TRAK2: variants seen among roughly 807,000 people sequenced by gnomAD.
The protein encoded by TRAK2 is trafficking kinesin-binding protein 2.
In TRAK2, 81 loss-of-function variants were observed where a neutral mutation model predicts 104.6. The ratio of observed to expected loss-of-function variants is 0.77; its 90% CI spans 0.65 to 0.93. The LOEUF (loss-of-function observed/expected upper bound fraction) is 0.93. Ranked by LOEUF, TRAK2 falls within the 40% of genes least tolerant of loss-of-function variation. The pLI is 0.00. For missense variants in TRAK2, 1,002 were observed against 1,089.0 expected (o/e 0.92, Z 1.12); for synonymous variants, 406 against 394.4 (o/e 1.03, Z -0.35).
In TRAK2 at chr2:201,431,506, T is replaced by C. The variant is rs145101826; in HGVS notation, c.-199-10800A>G. ...TCCACCATCTTCTATGCCAGCTGCG[T>C]AGCATCTTCAAGTTTCTCTCTGCTT... On this transcript the variant is annotated intron_variant, in intron 1 of 15. Coordinates refer to ENST00000332624, the MANE Select transcript of TRAK2 (RefSeq NM_015049.3). 4.6e-5 allele frequency among the ~76,000 whole-genome samples: 7 copies of C among 152,342 alleles called. No individual in the cohort carries two copies. In the East Asian group the frequency reaches 1.4e-3, roughly 29 times the overall value.
chr2:201,426,175 G>A (rs1047634771), intron 1 of TRAK2, among the ~76,000 whole-genome samples: 3 of 152,134 alleles, frequency 2.0e-5, no homozygotes, highest in Admixed American at 6.5e-5. Context: ...ATTTACAGCC[G>A]CTCCCCATCA....
Position 201,410,558 on chromosome 2 carries a change from C to A in TRAK2, c.92-2961G>T, listed in dbSNP as rs1951636626. 6.7e-6 allele frequency: 8 copies of A among 1,189,920 alleles called. No individual in the cohort carries two copies. In the East Asian group the frequency reaches 1.9e-4, roughly 28 times the overall value. The allele number at this position is 1,189,920 out of a possible 1,614,324, so 73.7% of individuals were successfully genotyped here. A position where few individuals can be genotyped will look rare whatever the true frequency, so the allele number is the denominator to read the frequency against. On this transcript the variant is annotated intron_variant, in intron 2 of 15. Transcript: ENST00000332624. ...AAATAGACACCTCACCCAAAAAGAT[C>A]TTTAAAATCATTGCTAGCTGAACTG...
Position 201,380,746 on chromosome 2 carries a change from T to G in TRAK2, c.2542A>C (p.Lys848Gln). 1 of 1,614,118 alleles carries G rather than the reference T, an allele frequency of 6.2e-7. No homozygotes were observed. The highest frequency in any genetic ancestry group is 8.5e-7 in the Non-Finnish European group (1 of 1,179,992). Residue 848 changes from lysine to glutamine, a missense_variant, in exon 16 of 16, where the codon AAG becomes CAG. Lys to Gln is a moderately conservative substitution (Grantham distance 53). Coordinates refer to ENST00000332624, the MANE Select transcript of TRAK2 (RefSeq NM_015049.3). The stretch of plus-strand genomic sequence containing the variant: ...CCATTCTCTTGGGCACCAGGGTTCT[T>G]GACCACTCTGGCTATCCCCAGTCTC... ...LKRLGIARVV[K>Q]NPGAQENGRC...
chr2:201,423,037 C>CCACACACACACACACACACA (rs142826543), intron 1 of TRAK2, among the ~76,000 whole-genome samples: 38 of 134,224 alleles, frequency 2.8e-4, no homozygotes, highest in African/African-American at 1.0e-3. Context: ...AACACCACCA[C>CCACACACACACACACACACA]CACACACACA....
intron 1 of TRAK2, among the ~76,000 whole-genome samples, chr2:201,423,815 G>A (rs920641313): frequency 5.9e-5 from 9 of 151,834 alleles, no homozygotes; most frequent in African/African-American, 2.2e-4. Context: ...TAGATCAATA[G>A]TCATTTATTC....
intron 9 of TRAK2, 45 bp downstream of exon 9, chr2:201,394,753 T>A: frequency 2.8e-6 from 4 of 1,434,650 alleles, no homozygotes; most frequent in Non-Finnish European, 3.9e-6. Context: ...AAGAAACTAG[T>A]CACTCTTTCC....
chr2:201,439,434 T>C (rs1030201224), intron 1 of TRAK2, among the ~76,000 whole-genome samples: 4 of 152,028 alleles, frequency 2.6e-5, no homozygotes, highest in African/African-American at 9.7e-5. Flanking sequence ...TTAAAAAACA[T>C]TGATGGTAAG....
At chr2:201,393,902 T>C (rs572533574) in intron 9 of TRAK2, among the ~76,000 whole-genome samples, 2 of 152,206 alleles carry the variant, frequency 1.3e-5, no homozygotes, top group South Asian at 4.1e-4. Context: ...CGTGCACCAC[T>C]ACACCTAGCT....
intron 2 of TRAK2, among the ~76,000 whole-genome samples, chr2:201,417,241 C>CAAAAA (rs61702415): frequency 2.6e-4 from 23 of 88,392 alleles, no homozygotes; most frequent in African/African-American, 7.0e-4. Flanking sequence ...GAAGACATTG[C>CAAAAA]AAAAAAAAAA....
At chr2:201,422,986 C>CA (rs980478835) in intron 1 of TRAK2, among the ~76,000 whole-genome samples, 1 of 150,898 alleles carries the variant, frequency 6.6e-6, no homozygotes, top group African/African-American at 2.4e-5. Flanking sequence ...CAGTCCTTCC[C>CA]AAAAAAGGAG....
At chr2:201,401,529 A>C (rs1335157410) in intron 3 of TRAK2, among the ~76,000 whole-genome samples, 7 of 152,082 alleles carry the variant, frequency 4.6e-5, no homozygotes, top group African/African-American at 1.7e-4. Context: ...TTCTGCTGTG[A>C]TTATCATAAC....
chr2:201,440,030 C>T (rs1477191217), intron 1 of TRAK2, among the ~76,000 whole-genome samples: 1 of 148,658 alleles, frequency 6.7e-6, no homozygotes, highest in African/African-American at 2.5e-5. Flanking sequence ...CACATGTATA[C>T]ATATGTAACT....
chr2:201,408,992 G>A (rs892826839), intron 2 of TRAK2, among the ~76,000 whole-genome samples: 2 of 152,072 alleles, frequency 1.3e-5, no homozygotes, highest in Non-Finnish European at 2.9e-5. Context: ...GAAGGAAATC[G>A]GAAAGGGGAG....
At position 201,394,858 on chromosome 2, in the gene TRAK2, C is replaced by T. The variant is rs1951486314; in HGVS notation, c.915G>A (p.Lys305=). 1.9e-6 allele frequency: 3 copies of T among 1,613,718 alleles called. No individual in the cohort carries two copies. The highest frequency in any genetic ancestry group is 1.1e-5 in the South Asian group (1 of 91,044). ...QHKLKEHVIE[K]EELKLHLQAS... ...CTTGCAGGTGAAGTTTTAGTTCTTC[C>T]TTCTCAATCACATGCTAACAACATA... The change falls in exon 9 of 16, where the codon AAG becomes AAA. Residue 305 remains lysine, a synonymous_variant. Coordinates refer to ENST00000332624, the MANE Select transcript of TRAK2 (RefSeq NM_015049.3).
chr2:201,402,357 C>G (rs1019547374), intron 3 of TRAK2, among the ~76,000 whole-genome samples: 1 of 152,058 alleles, frequency 6.6e-6, no homozygotes, highest in East Asian at 1.9e-4. Context: ...GCACCACTGA[C>G]TAAAATGAAT....
At chr2:201,408,642 A>G (rs1031300206) in intron 2 of TRAK2, among the ~76,000 whole-genome samples, 3 of 152,224 alleles carry the variant, frequency 2.0e-5, no homozygotes, top group African/African-American at 7.2e-5. Context: ...TGAATTTTTA[A>G]AAGTATTTTT....
intron 10 of TRAK2, 39 bp from the exon 11 acceptor site, chr2:201,389,919 C>A (rs374077444): frequency 2.6e-6 from 4 of 1,521,128 alleles, no homozygotes; most frequent in Non-Finnish European, 3.6e-6. Flanking sequence ...GTGATTGTTG[C>A]CCTTAAATTA....
intron 1 of TRAK2, among the ~76,000 whole-genome samples, chr2:201,427,173 T>G (rs1951796542): frequency 6.6e-6 from 1 of 152,140 alleles, no homozygotes; most frequent in African/African-American, 2.4e-5. Flanking sequence ...GATGATGTCT[T>G]CTGTCTAATA....
At chr2:201,383,202 C>G (rs1005533761) in intron 15 of TRAK2, among the ~76,000 whole-genome samples, 1 of 152,138 alleles carries the variant, frequency 6.6e-6, no homozygotes, top group Non-Finnish European at 1.5e-5. Flanking sequence ...TTGGCCTTGC[C>G]CAGAGAGGTC....
Sources: gnomAD v4.1 joint callset for allele counts (sites outside exome capture counted in the v4.1 genomes callset) on GRCh38, gnomAD v4.1.1 for gene constraint, MANE v1.5 for transcripts, NCBI Gene and HGNC (gene_info 2026-07-23, HGNC 2026-07-21) for gene names.